CNTN5: variants seen among roughly 807,000 people sequenced by gnomAD.
The protein encoded by CNTN5 is contactin 5, also known as contactin-5.
Under a neutral mutation model 129.1 loss-of-function variants are expected in CNTN5, and 77 were observed. The ratio of observed to expected loss-of-function variants is 0.60; its 90% CI spans 0.50 to 0.72. The LOEUF is 0.72. Ranked by LOEUF, CNTN5 falls within the 30% of genes least tolerant of loss-of-function variation. CNTN5 has a pLI of 0.00. For missense variants in CNTN5, 1,478 were observed against 1,328.8 expected (o/e 1.11, Z -1.75); for synonymous variants, 509 against 465.6 (o/e 1.09, Z -1.20).
At chr11:100,241,217 G>T (rs17094676) in intron 16 of CNTN5, among the ~76,000 whole-genome samples, 1 of 152,092 alleles carries the variant, frequency 6.6e-6, no homozygotes. Context: ...GTAATTATTC[G>T]TACCAGTTTG....
At chr11:100,186,584 G>A (rs1431278545) in intron 13 of CNTN5, among the ~76,000 whole-genome samples, 1 of 152,106 alleles carries the variant, frequency 6.6e-6, no homozygotes, top group Non-Finnish European at 1.5e-5. Context: ...TCCAGGGCTA[G>A]ATAGAAACTT....
At chr11:100,045,029 C>G (rs1274175062) in intron 9 of CNTN5, among the ~76,000 whole-genome samples, 1 of 152,046 alleles carries the variant, frequency 6.6e-6, no homozygotes, top group Non-Finnish European at 1.5e-5. Flanking sequence ...GTTTTCTCTC[C>G]TACTGCAAGA....
intron 3 of CNTN5, among the ~76,000 whole-genome samples, chr11:99,607,947 T>G: frequency 1.0e-5 from 1 of 96,608 alleles, no homozygotes; most frequent in African/African-American, 4.3e-5. Context: ...CTGGGGACTG[T>G]GGTGGGGTCG....
intron 18 of CNTN5, among the ~76,000 whole-genome samples, chr11:100,296,111 T>C (rs1479909590): frequency 6.6e-6 from 1 of 151,488 alleles, no homozygotes; most frequent in Non-Finnish European, 1.5e-5. Context: ...CTTTTACATA[T>C]ACAGTTAAAC....
chr11:99,070,724 CTT>C (rs10711828), intron 1 of CNTN5, among the ~76,000 whole-genome samples: 27 of 148,410 alleles, frequency 1.8e-4, no homozygotes, highest in East Asian at 1.8e-3. Flanking sequence ...TTTAAAATAA[CTT>C]TTTTTTTTTT....
intron 13 of CNTN5, among the ~76,000 whole-genome samples, chr11:100,179,983 G>A (rs1177569523): frequency 6.6e-6 from 1 of 151,870 alleles, no homozygotes; most frequent in Admixed American, 6.6e-5. Context: ...AAACATTTAA[G>A]GCAAAATTAA....
At chr11:99,074,254 T>G (rs1014251406) in intron 1 of CNTN5, among the ~76,000 whole-genome samples, 14 of 152,148 alleles carry the variant, frequency 9.2e-5, no homozygotes, top group African/African-American at 3.4e-4. Context: ...TTGTTTAAGT[T>G]CCTTGTAGAT....
chr11:100,293,890 C>A (rs988987475), intron 18 of CNTN5, among the ~76,000 whole-genome samples: 1 of 151,826 alleles, frequency 6.6e-6, no homozygotes, highest in East Asian at 1.9e-4. Context: ...TTCAATTTAA[C>A]TCTTTCTGTA....
At chr11:99,785,838 A>G (rs1178395610) in intron 3 of CNTN5, among the ~76,000 whole-genome samples, 1 of 152,156 alleles carries the variant, frequency 6.6e-6, no homozygotes, top group Non-Finnish European at 1.5e-5. Flanking sequence ...TAAAGTAGGT[A>G]TTGATGGGAC....
intron 2 of CNTN5, among the ~76,000 whole-genome samples, chr11:99,438,368 A>G (rs921461234): frequency 6.6e-6 from 1 of 152,176 alleles, no homozygotes; most frequent in African/African-American, 2.4e-5. Context: ...AGTGATGACT[A>G]TATGTCACAT....
At chr11:99,289,711 G>A (rs1386904583) in intron 1 of CNTN5, among the ~76,000 whole-genome samples, 1 of 151,588 alleles carries the variant, frequency 6.6e-6, no homozygotes. Context: ...CTTCTCAAAT[G>A]TTCAAGGACA....
chr11:100,044,597 C>T (rs557672688), intron 9 of CNTN5, among the ~76,000 whole-genome samples: 2 of 151,532 alleles, frequency 1.3e-5, no homozygotes, highest in Non-Finnish European at 2.9e-5. Flanking sequence ...ACTAATCTTT[C>T]ATATGCTTTT....
intron 1 of CNTN5, among the ~76,000 whole-genome samples, chr11:99,228,625 A>C (rs2135721541): frequency 6.6e-6 from 1 of 152,182 alleles, no homozygotes; most frequent in African/African-American, 2.4e-5. Context: ...GTGTCAATTA[A>C]AAAGTTAAAA....
intron 21 of CNTN5, chr11:100,309,402 A>G (rs894900882): frequency 3.1e-6 from 3 of 970,644 alleles, no homozygotes; most frequent in Non-Finnish European, 3.7e-6. Flanking sequence ...GGCATTAAAT[A>G]ATGATTTCTA....
At chr11:99,880,301 A>G (rs1229285398) in intron 6 of CNTN5, among the ~76,000 whole-genome samples, 2 of 152,206 alleles carry the variant, frequency 1.3e-5, no homozygotes, top group South Asian at 2.1e-4. Context: ...AGAGTGGTAC[A>G]TGGCTAACAG....
intron 1 of CNTN5, among the ~76,000 whole-genome samples, chr11:99,043,905 G>T (rs1345738042): frequency 1.3e-5 from 2 of 152,094 alleles, no homozygotes. Flanking sequence ...TTTCAGCTCC[G>T]TGGATGTTCG....
chr11:100,227,568 A>G (rs1294295976), intron 16 of CNTN5, among the ~76,000 whole-genome samples: 1 of 152,118 alleles, frequency 6.6e-6, no homozygotes, highest in East Asian at 1.9e-4. Flanking sequence ...CTTTTTTCGT[A>G]AATAATTACC....
At chr11:99,581,559 T>G (rs897473257) in intron 3 of CNTN5, among the ~76,000 whole-genome samples, 1 of 152,060 alleles carries the variant, frequency 6.6e-6, no homozygotes, top group Non-Finnish European at 1.5e-5. Flanking sequence ...GCTCTTCTTG[T>G]TGAATTGATC....
At chr11:99,146,469 A>G (rs1372855533) in intron 1 of CNTN5, among the ~76,000 whole-genome samples, 1 of 152,066 alleles carries the variant, frequency 6.6e-6, no homozygotes, top group African/African-American at 2.4e-5. Context: ...ACAAAATACC[A>G]TATATATATT....
Sources: gnomAD v4.1 joint callset for allele counts (sites outside exome capture counted in the v4.1 genomes callset) on GRCh38, gnomAD v4.1.1 for gene constraint, MANE v1.5 for transcripts, NCBI Gene and HGNC (gene_info 2026-07-23, HGNC 2026-07-21) for gene names.